Variants in MCC observed in about 807,000 individuals in gnomAD.
The protein encoded by MCC is MCC regulator of Wnt signaling pathway.
A neutral mutation model predicts 116.2 loss-of-function variants in MCC; 90 were observed. That is an observed-to-expected ratio of 0.77 (90% confidence interval 0.65 to 0.92). The LOEUF is 0.92. MCC is among the 40% of genes least tolerant of loss of function. The pLI is 0.00. For missense variants in MCC, 1,516 were observed against 1,312.2 expected (o/e 1.16, Z -2.40); for synonymous variants, 578 against 510.5 (o/e 1.13, Z -1.78).
intron 3 of MCC, among the ~76,000 whole-genome samples, chr5:113,311,414 T>C (rs1767131739): frequency 6.6e-6 from 1 of 152,160 alleles, no homozygotes; most frequent in Admixed American, 6.5e-5. Context: ...GCCAGCCTTC[T>C]GGAGGATAAG....
chr5:113,249,289 C>T (rs1164526215), intron 3 of MCC, among the ~76,000 whole-genome samples: 1 of 152,096 alleles, frequency 6.6e-6, no homozygotes, highest in East Asian at 1.9e-4. Flanking sequence ...CCAATCACAA[C>T]AGTATCAAGA....
chr5:113,337,976 T>G (rs2150377896), intron 3 of MCC, among the ~76,000 whole-genome samples: 1 of 152,270 alleles, frequency 6.6e-6, no homozygotes. Context: ...AACCATCATG[T>G]ATCACTCTCA....
intron 1 of MCC, among the ~76,000 whole-genome samples, chr5:113,409,989 TA>T (rs1230408765): frequency 6.6e-6 from 1 of 152,242 alleles, no homozygotes; most frequent in Non-Finnish European, 1.5e-5. Context: ...TCCAGGGAAA[TA>T]TCTATATATT....
intron 3 of MCC, among the ~76,000 whole-genome samples, chr5:113,290,010 C>T (rs1330435631): frequency 1.3e-5 from 2 of 152,134 alleles, no homozygotes; most frequent in South Asian, 4.2e-4. Flanking sequence ...AGGCCCCTTC[C>T]AATGCTGATA....
chr5:113,370,031 G>A (rs938993236), intron 2 of MCC, among the ~76,000 whole-genome samples: 7 of 152,178 alleles, frequency 4.6e-5, no homozygotes, highest in Non-Finnish European at 1.0e-4. Flanking sequence ...ATTTCTTGGG[G>A]ATAAACCAAA....
chr5:113,213,180 G>A (rs1763192502), intron 3 of MCC, among the ~76,000 whole-genome samples: 1 of 152,058 alleles, frequency 6.6e-6, no homozygotes. Context: ...AACTTTCTGC[G>A]AACCCTCTAC....
chr5:113,213,017 G>GA lies in MCC; in HGVS notation c.628-61596_628-61595insT, dbSNP rs1554067170. On this transcript the variant is annotated intron_variant, in intron 3 of 18. Transcript: ENST00000408903. Reference sequence around the variant, plus strand: ...CGTTCCTTCTTTCCCAAGTGTACTTGTTTTTTTTGTGTGCGTTTTAAAATT... The same window carrying GA: ...CGTTCCTTCTTTCCCAAGTGTACTTGATTTTTTTTGTGTGCGTTTTAAAATT... Among the ~76,000 whole-genome samples, 3 of 151,772 alleles carry GA rather than the reference G, an allele frequency of 2.0e-5. No individual in the cohort carries two copies. In the East Asian group the frequency reaches 5.8e-4, roughly 29 times the overall value.
intron 2 of MCC, among the ~76,000 whole-genome samples, chr5:113,374,203 C>CT (rs66471989): frequency 1.3e-3 from 181 of 136,562 alleles, no homozygotes; most frequent in East Asian, 2.9e-3. Context: ...GGGGCTTCTA[C>CT]TTTTTTTTTT....
At chr5:113,218,740 G>A (rs1269842619) in intron 3 of MCC, among the ~76,000 whole-genome samples, 4 of 152,130 alleles carry the variant, frequency 2.6e-5, no homozygotes, top group Admixed American at 2.0e-4. Context: ...TGTTCACAAG[G>A]CTTTGATTTG....
At chr5:113,066,540 G>A (rs1484117618) in intron 13 of MCC, among the ~76,000 whole-genome samples, 1 of 152,184 alleles carries the variant, frequency 6.6e-6, no homozygotes, top group Non-Finnish European at 1.5e-5. Context: ...AAATGAAGGT[G>A]TGCTCCTTTG....
At chr5:113,376,607 A>AT (rs1768989360) in intron 2 of MCC, among the ~76,000 whole-genome samples, 1 of 151,254 alleles carries the variant, frequency 6.6e-6, no homozygotes, top group Admixed American at 6.6e-5. Flanking sequence ...ACACACACAC[A>AT]TATCAGTATT....
At chr5:113,227,269 C>T (rs969695103) in intron 3 of MCC, among the ~76,000 whole-genome samples, 1 of 152,132 alleles carries the variant, frequency 6.6e-6, no homozygotes, top group Admixed American at 6.5e-5. Context: ...TCAATGGTAT[C>T]CCAACACCAT....
chr5:113,303,838 A>G (rs1460880357), intron 3 of MCC, among the ~76,000 whole-genome samples: 2 of 152,080 alleles, frequency 1.3e-5, no homozygotes, highest in Non-Finnish European at 2.9e-5. Context: ...TATTTTTAGT[A>G]GAGACGGGGT....
At chr5:113,336,517 C>G (rs577638436) in intron 3 of MCC, among the ~76,000 whole-genome samples, 1 of 148,932 alleles carries the variant, frequency 6.7e-6, no homozygotes, top group Non-Finnish European at 1.5e-5. Context: ...CCAGTTTGTC[C>G]TCAATGGTCC....
chr5:113,090,081 G>A (rs1164887700), intron 8 of MCC, among the ~76,000 whole-genome samples: 1 of 152,166 alleles, frequency 6.6e-6, no homozygotes, highest in Admixed American at 6.5e-5. Flanking sequence ...TGCTGGGCAT[G>A]GATAAGGTCC....
chr5:113,137,030 A>G (rs1166785189), intron 5 of MCC, among the ~76,000 whole-genome samples: 1 of 152,146 alleles, frequency 6.6e-6, no homozygotes, highest in African/African-American at 2.4e-5. Context: ...TATGTGTATT[A>G]GTCTGTTCTC....
chr5:113,278,988 T>A (rs1044896396), intron 3 of MCC, among the ~76,000 whole-genome samples: 4 of 152,184 alleles, frequency 2.6e-5, no homozygotes, highest in African/African-American at 7.2e-5. Context: ...AAAGCAATTT[T>A]AAAATTTTTC....
intron 3 of MCC, among the ~76,000 whole-genome samples, chr5:113,263,014 T>A (rs529390154): frequency 5.6e-4 from 86 of 152,298 alleles, no homozygotes; most frequent in African/African-American, 2.0e-3. Flanking sequence ...AAATTAAATT[T>A]GAGAAATGTT....
chr5:113,102,096 A>T, intron 7 of MCC, 151 bp from the exon 8 acceptor site: 2 of 727,558 alleles, frequency 2.7e-6, no homozygotes, highest in Non-Finnish European at 4.5e-6. Context: ...CAGACACCCC[A>T]AAGTTATCCT....
Sources: allele counts gnomAD v4.1 joint callset (sites outside exome capture counted in the v4.1 genomes callset), GRCh38; gene constraint gnomAD v4.1.1; transcripts MANE v1.5; gene names NCBI Gene and HGNC (gene_info 2026-07-23, HGNC 2026-07-21).